The following POU2F1 variants were observed in gnomAD, a reference collection of about 807,000 sequenced individuals.
POU2F1 encodes POU class 2 homeobox 1.
A neutral mutation model predicts 84.9 loss-of-function variants in POU2F1; 16 were observed. That is an observed-to-expected ratio of 0.19 (90% CI 0.13 to 0.29). The LOEUF (loss-of-function observed/expected upper bound fraction) is 0.29. Among genes scored for constraint, POU2F1 ranks in the 10% least tolerant of loss-of-function variants. The pLI is 1.00. For synonymous variants in POU2F1, 368 were observed against 368.3 expected, an observed-to-expected ratio of 1.00 and a Z score of 0.01; for missense variants, 738 against 942.6, an observed-to-expected ratio of 0.78 and a Z score of 2.84.
chr1:167,254,060 A>T (rs1413941242), intron 1 of POU2F1, among the ~76,000 whole-genome samples: 1 of 152,148 alleles, frequency 6.6e-6, no homozygotes, highest in African/African-American at 2.4e-5. Flanking sequence ...AGACTCCTGT[A>T]TTATATGGTG....
chr1:167,228,796 T>A (rs1053219370), intron 1 of POU2F1, among the ~76,000 whole-genome samples: 1 of 152,228 alleles, frequency 6.6e-6, no homozygotes, highest in African/African-American at 2.4e-5. Context: ...CCACCTTACA[T>A]CCTTTCTGGA....
intron 1 of POU2F1, among the ~76,000 whole-genome samples, chr1:167,253,376 G>C (rs1258607805): frequency 3.3e-4 from 40 of 121,544 alleles, no homozygotes; most frequent in African/African-American, 6.8e-4. Flanking sequence ...TTATTTTTCT[G>C]CCCCCCCCCC....
intron 1 of POU2F1, among the ~76,000 whole-genome samples, chr1:167,277,733 G>T (rs142935975): frequency 6.6e-6 from 1 of 152,096 alleles, no homozygotes; most frequent in East Asian, 1.9e-4. Context: ...CGCTGATGCC[G>T]CATGCCATCC....
Position 167,248,987 on chromosome 1 carries a change from T to C in POU2F1, c.61+28029T>C, listed in dbSNP as rs1250965032. On this transcript the variant is annotated intron_variant, in intron 1 of 15. Coordinates refer to ENST00000367866, the MANE Select transcript of POU2F1 (RefSeq NM_002697.4). ...TAGGATTTAAACCCATGTTGTCTCA[T>C]TTCGGAGTTTTGGCTTTTATTATGA... 2.0e-5 allele frequency among the ~76,000 whole-genome samples: 3 copies of C among 152,322 alleles called. No individual in the cohort carries two copies. The East Asian group carries it at 5.8e-4, about 29-fold the overall frequency.
chr1:167,237,055 G>A (rs1183052234), intron 1 of POU2F1, among the ~76,000 whole-genome samples: 2 of 152,034 alleles, frequency 1.3e-5, no homozygotes, highest in African/African-American at 4.8e-5. Context: ...TCTGGGACTT[G>A]GGGAGCAAGA....
At chr1:167,393,736 G>A (rs1648598619) in intron 9 of POU2F1, among the ~76,000 whole-genome samples, 1 of 152,046 alleles carries the variant, frequency 6.6e-6, no homozygotes, top group Non-Finnish European at 1.5e-5. Context: ...TTGTTAAATT[G>A]TTACTTTTAT....
At chr1:167,380,778 A>G (rs1647478757) in intron 7 of POU2F1, 1 of 152,104 alleles carries the variant, frequency 6.6e-6, no homozygotes, top group Non-Finnish European at 1.5e-5. Flanking sequence ...TTAACCTAAA[A>G]CTTTTGAGAT....
intron 1 of POU2F1, among the ~76,000 whole-genome samples, chr1:167,290,270 G>A (rs1653829671): frequency 6.6e-6 from 1 of 152,154 alleles, no homozygotes; most frequent in Admixed American, 6.5e-5. Flanking sequence ...GGTGGTGTGC[G>A]CCTATAGTCC....
intron 1 of POU2F1, among the ~76,000 whole-genome samples, chr1:167,246,612 T>G (rs1650337972): frequency 6.6e-6 from 1 of 152,314 alleles, no homozygotes; most frequent in South Asian, 2.1e-4. Context: ...ATGAAAATAA[T>G]GATGATTTTC....
chr1:167,260,331 T>C (rs1651464428), intron 1 of POU2F1, among the ~76,000 whole-genome samples: 1 of 152,244 alleles, frequency 6.6e-6, no homozygotes, highest in Admixed American at 6.5e-5. Context: ...GATTCATCTT[T>C]GTATTTTTTA....
chr1:167,416,087 T>TAAAAAAAAAAAAAAAAAAGAAAAAA lies in POU2F1; in HGVS notation c.*295_*296insGAAAAAAAAAAAAAAAAAAAAAAAA. 3.0e-6 allele frequency: 1 copy of TAAAAAAAAAAAAAAAAAAGAAAAAA among 334,154 alleles called. No individual in the cohort carries two copies. The highest frequency in any genetic ancestry group is 5.5e-6 in the Non-Finnish European group (1 of 182,682). The allele number at this position is 334,154 out of a possible 1,614,324, so 20.7% of individuals were successfully genotyped here. On this transcript the variant is annotated 3_prime_UTR_variant, in exon 16 of 16. Transcript: ENST00000367866. ...ATTGGAGAACTTTCTAACCAAAAAT[T>TAAAAAAAAAAAAAAAAAAGAAAAAA]AAAAAAAAAAAAAAAAAAAGAAACA...
At chr1:167,351,496 T>C (rs1658561104) in intron 2 of POU2F1, among the ~76,000 whole-genome samples, 1 of 111,890 alleles carries the variant, frequency 8.9e-6, no homozygotes, top group Non-Finnish European at 1.7e-5. Context: ...TCCAGCCTGG[T>C]CAGGAAGAAT....
chr1:167,397,873 T>C, intron 10 of POU2F1, 121 bp from the exon 11 acceptor site: 6 of 1,070,746 alleles, frequency 5.6e-6, no homozygotes, highest in Non-Finnish European at 7.9e-6. Flanking sequence ...GTAGGTTATG[T>C]GAAAACCTTT....
At chr1:167,332,898 G>A (rs1028527128) in intron 2 of POU2F1, among the ~76,000 whole-genome samples, 1 of 152,150 alleles carries the variant, frequency 6.6e-6, no homozygotes, top group Non-Finnish European at 1.5e-5. Flanking sequence ...ACAAAATGAG[G>A]ATAATATATT....
intron 8 of POU2F1, among the ~76,000 whole-genome samples, chr1:167,387,459 C>T (rs1480506020): frequency 1.3e-5 from 2 of 152,166 alleles, no homozygotes; most frequent in African/African-American, 4.8e-5. Context: ...GTCAGCATGA[C>T]ATAGAAATGA....
Position 167,347,126 on chromosome 1 carries a change from G to A in POU2F1, c.127+14591G>A, listed in dbSNP as rs893738669. Among the ~76,000 whole-genome samples, 11 of 152,276 alleles carry A rather than the reference G, an allele frequency of 7.2e-5. No homozygotes were observed. The East Asian group carries it at 2.1e-3, about 29-fold the overall frequency. ...AGATATTGTCATTATTTCCTATAGGGTGTCGGAAATTTAGTCTATTGGTAA... is the reference window on the plus strand; with the variant it reads ...AGATATTGTCATTATTTCCTATAGGATGTCGGAAATTTAGTCTATTGGTAA... On this transcript the variant is annotated intron_variant, in intron 2 of 15. Transcript: ENST00000367866.
chr1:167,260,550 A>G (rs1651487107), intron 1 of POU2F1, among the ~76,000 whole-genome samples: 1 of 152,028 alleles, frequency 6.6e-6, no homozygotes, highest in South Asian at 2.1e-4. Flanking sequence ...TGAGATGAGG[A>G]TCTAATTGTT....
At chr1:167,244,242 G>A (rs34525225) in intron 1 of POU2F1, among the ~76,000 whole-genome samples, 1,846 of 152,252 alleles carry the variant, frequency 0.012, 14 homozygotes, top group South Asian at 0.027. Flanking sequence ...GCATGGCTCA[G>A]GTGGGTCCTC....
At chr1:167,414,282 T>G in intron 15 of POU2F1, 1 of 972,346 alleles carries the variant, frequency 1.0e-6, no homozygotes, top group East Asian at 1.1e-4. Context: ...TCTGCTTTAT[T>G]GAATGTTTCT....
Sources: allele counts gnomAD v4.1 joint callset (sites outside exome capture counted in the v4.1 genomes callset), GRCh38; gene constraint gnomAD v4.1.1; transcripts MANE v1.5; gene names NCBI Gene and HGNC (gene_info 2026-07-23, HGNC 2026-07-21).